Variants in MTUS2 observed in about 807,000 individuals in gnomAD.
The protein encoded by MTUS2 is microtubule associated scaffold protein 2, also known as microtubule-associated tumor suppressor candidate 2.
In MTUS2, 40 loss-of-function variants were observed where a neutral mutation model predicts 114.1. The observed-to-expected ratio is 0.35, with a 90% CI of 0.27 to 0.46. The LOEUF is 0.46. MTUS2 is among the 20% of genes least tolerant of loss of function. The pLI, the probability that MTUS2 is intolerant of heterozygous loss-of-function variation, is 1.00. For synonymous variants in MTUS2, 688 were observed against 672.0 expected (o/e 1.02, Z -0.37); for missense variants, 1,679 against 1,705.4 (o/e 0.98, Z 0.27).
At chr13:28,868,694 G>A (rs190565306) in intron 2 of MTUS2, among the ~76,000 whole-genome samples, 33 of 152,198 alleles carry the variant, frequency 2.2e-4, no homozygotes, top group Admixed American at 2.0e-4. Flanking sequence ...TTCTCTCCAC[G>A]TTTTGTTGCC....
At chr13:28,992,694 A>G (rs1884915729) in intron 2 of MTUS2, among the ~76,000 whole-genome samples, 1 of 152,166 alleles carries the variant, frequency 6.6e-6, no homozygotes, top group Non-Finnish European at 1.5e-5. Flanking sequence ...GCCCTTGGAT[A>G]ATGAGTCCTA....
chr13:28,990,945 A>G (rs1884820910), intron 2 of MTUS2, among the ~76,000 whole-genome samples: 1 of 151,906 alleles, frequency 6.6e-6, no homozygotes, highest in Non-Finnish European at 1.5e-5. Flanking sequence ...CACCTTTAAG[A>G]GCTGTAGCAC....
At chr13:29,106,374 GA>G (rs1566012110) in intron 5 of MTUS2, among the ~76,000 whole-genome samples, 1 of 152,172 alleles carries the variant, frequency 6.6e-6, no homozygotes. Context: ...CATGCCTGCT[GA>G]TTTTTTGGAG....
At chr13:29,387,079 T>C (rs989440433) in intron 8 of MTUS2, among the ~76,000 whole-genome samples, 5 of 152,150 alleles carry the variant, frequency 3.3e-5, no homozygotes, top group African/African-American at 9.7e-5. Flanking sequence ...GGGGATTGAA[T>C]TGGGGGGCAG....
chr13:29,256,385 C>T (rs933090), intron 5 of MTUS2, among the ~76,000 whole-genome samples: 53,711 of 151,952 alleles, frequency 0.35, 10,127 homozygotes, highest in East Asian at 0.44. Context: ...CTGAAGGGGG[C>T]CAGGTGCCAA....
At chr13:29,450,665 C>G (rs1878620119) in intron 9 of MTUS2, among the ~76,000 whole-genome samples, 1 of 151,992 alleles carries the variant, frequency 6.6e-6, no homozygotes, top group African/African-American at 2.4e-5. Flanking sequence ...AAAAGAAAAG[C>G]AAGACTTGGC....
At chr13:28,860,046 T>C (rs1404643510) in intron 2 of MTUS2, among the ~76,000 whole-genome samples, 1 of 152,178 alleles carries the variant, frequency 6.6e-6, no homozygotes, top group East Asian at 1.9e-4. Flanking sequence ...GACAAAGTGG[T>C]AGATAATCTT....
At chr13:29,004,368 T>C (rs1194409239) in intron 2 of MTUS2, among the ~76,000 whole-genome samples, 3 of 148,596 alleles carry the variant, frequency 2.0e-5, no homozygotes, top group Non-Finnish European at 4.4e-5. Flanking sequence ...TCCTACAGCA[T>C]TCTCTATATA....
chr13:29,270,100 T>G (rs1897824393), intron 5 of MTUS2, among the ~76,000 whole-genome samples: 1 of 152,144 alleles, frequency 6.6e-6, no homozygotes, highest in Non-Finnish European at 1.5e-5. Context: ...AAGTTTCATG[T>G]ATGCAGCATG....
At chr13:29,167,802 A>G (rs1363479787) in intron 5 of MTUS2, among the ~76,000 whole-genome samples, 12 of 152,156 alleles carry the variant, frequency 7.9e-5, no homozygotes, top group Admixed American at 7.9e-4. Context: ...CAGTAAGTAT[A>G]ATGCAAATAT....
At chr13:29,135,796 C>G (rs1891954390) in intron 5 of MTUS2, among the ~76,000 whole-genome samples, 2 of 152,184 alleles carry the variant, frequency 1.3e-5, no homozygotes, top group South Asian at 4.1e-4. Flanking sequence ...CAATAACATA[C>G]AAAATCTCTG....
intron 2 of MTUS2, among the ~76,000 whole-genome samples, chr13:28,979,836 T>C (rs1317256183): frequency 1.3e-5 from 2 of 152,208 alleles, no homozygotes; most frequent in African/African-American, 2.4e-5. Flanking sequence ...AATGTACACA[T>C]TGAAATGATA....
intron 10 of MTUS2, among the ~76,000 whole-genome samples, chr13:29,485,460 C>T (rs1049978595): frequency 2.0e-5 from 3 of 152,142 alleles, no homozygotes; most frequent in Admixed American, 6.5e-5. Context: ...TACTAAAGAG[C>T]GGGGATTATT....
chr13:29,022,949 G>A (rs1339501307), intron 2 of MTUS2, among the ~76,000 whole-genome samples: 1 of 152,156 alleles, frequency 6.6e-6, no homozygotes, highest in Non-Finnish European at 1.5e-5. Flanking sequence ...TAATATGTAT[G>A]CCAGGTATTA....
At chr13:29,192,664 A>G (rs965239960) in intron 5 of MTUS2, among the ~76,000 whole-genome samples, 9 of 152,218 alleles carry the variant, frequency 5.9e-5, no homozygotes, top group African/African-American at 2.2e-4. Flanking sequence ...TGTCATTATT[A>G]CGTATCAATT....
intron 4 of MTUS2, among the ~76,000 whole-genome samples, chr13:29,073,850 AGTGGTTCCCTTGGAGATCTTTCAG>A (rs66951834): frequency 0.57 from 87,179 of 151,828 alleles, 25,325 homozygotes; most frequent in Non-Finnish European, 0.61. Flanking sequence ...GTTTAACTAC[AGTGGTTCCCTTGGAGATCTTTCAG>A]GTATGTAGAC....
chr13:28,843,910 G>A lies in MTUS2; in HGVS notation c.-243+4060G>A, dbSNP rs554004267. On this transcript the variant is annotated intron_variant, in intron 2 of 15. Coordinates refer to ENST00000612955, the MANE Select transcript of MTUS2 (RefSeq NM_001033602.4). ...TGCTATTAGAAGCAGATAGCGGGGAGCTGTGTAATATTTGAACATGCATCC... is the reference window on the plus strand; with the variant it reads ...TGCTATTAGAAGCAGATAGCGGGGAACTGTGTAATATTTGAACATGCATCC... 6.6e-5 allele frequency among the ~76,000 whole-genome samples: 10 copies of A among 152,328 alleles called. No individual in the cohort carries two copies. In the South Asian group the frequency reaches 2.1e-3, roughly 32 times the overall value.
chr13:29,450,750 A>G (rs758283579), intron 9 of MTUS2, among the ~76,000 whole-genome samples: 1 of 152,218 alleles, frequency 6.6e-6, no homozygotes, highest in Non-Finnish European at 1.5e-5. Flanking sequence ...TGAAAAAAAT[A>G]TATACTATAC....
intron 2 of MTUS2, among the ~76,000 whole-genome samples, chr13:28,901,449 C>T (rs1879638255): frequency 6.6e-6 from 1 of 152,026 alleles, no homozygotes; most frequent in African/African-American, 2.4e-5. Flanking sequence ...GCCTTAGATC[C>T]CAAAGATTTT....
Sources: gnomAD v4.1 joint callset for allele counts (sites outside exome capture counted in the v4.1 genomes callset) on GRCh38, gnomAD v4.1.1 for gene constraint, MANE v1.5 for transcripts, NCBI Gene and HGNC (gene_info 2026-07-23, HGNC 2026-07-21) for gene names.